C3: variants seen among roughly 807,000 people sequenced by gnomAD.
C3 encodes the protein C3 and PZP-like alpha-2-macroglobulin domain-containing protein 1.
In C3, 97 loss-of-function variants were observed where a neutral mutation model predicts 207.9. That is an observed-to-expected ratio of 0.47 (90% CI 0.40 to 0.55). The LOEUF (loss-of-function observed/expected upper bound fraction) is 0.55, where lower values mean the gene tolerates loss of function less well. Ranked by LOEUF, C3 falls within the 20% of genes least tolerant of loss-of-function variation. The pLI, the probability that C3 is intolerant of heterozygous loss-of-function variation, is 0.00. For missense variants in C3, 1,684 were observed against 2,171.7 expected (o/e 0.78, Z 4.46); for synonymous variants, 848 against 857.6 (o/e 0.99, Z 0.20).
chr19:6,709,244 C>CG (rs1189454251), intron 14 of C3, among the ~76,000 whole-genome samples: 1 of 152,030 alleles, frequency 6.6e-6, no homozygotes, highest in Admixed American at 6.6e-5. Context: ...GCCAAGAGAT[C>CG]GAGACCATCC....
At position 6,679,387 on chromosome 19, in the gene C3, C is replaced by T; in HGVS notation, c.4546+20G>A. On this transcript the variant is annotated intron_variant, in intron 37 of 40. Coordinates refer to ENST00000245907, the MANE Select transcript of C3 (RefSeq NM_000064.4). ...TGTGGCTTGCTCAGACCCACCTGTTCCCGGCTCCAGGGAACTCACCCTCAG... is the reference window on the plus strand; with the variant it reads ...TGTGGCTTGCTCAGACCCACCTGTTTCCGGCTCCAGGGAACTCACCCTCAG... 6.2e-7 allele frequency: 1 copy of T among 1,601,536 alleles called. No homozygotes were observed. Among genetic ancestry groups the T allele is most frequent in the Non-Finnish European group, 8.6e-7 (1 of 1,168,474 alleles).
chr19:6,686,661 C>T (rs1327223578), intron 28 of C3, 85 bp downstream of exon 28: 2 of 1,430,878 alleles, frequency 1.4e-6, no homozygotes, highest in Non-Finnish European at 2.0e-6. Context: ...CCCAGCTCAG[C>T]TAAAAGCCAT....
intron 16 of C3, 39 bp from the exon 17 acceptor site, chr19:6,707,312 C>CG: frequency 6.2e-7 from 1 of 1,602,038 alleles, no homozygotes; most frequent in Non-Finnish European, 8.5e-7. Flanking sequence ...CACCCTCAGC[C>CG]GGGGGCCGGC....
chr19:6,720,236 A>T (rs1399988584), intron 1 of C3, among the ~76,000 whole-genome samples: 1 of 151,876 alleles, frequency 6.6e-6, no homozygotes, highest in Non-Finnish European at 1.5e-5. Flanking sequence ...CAATTCCACG[A>T]TACCTGGATT....
Position 6,718,356 on chromosome 19 carries a change from C to T in C3, c.324G>A (p.Val108=). Residue 108 remains valine (V), a synonymous_variant, in exon 3 of 41, where the codon GTG becomes GTA. Coordinates refer to ENST00000245907, the MANE Select transcript of C3 (RefSeq NM_000064.4). ...SEKGRNKFVT[V]QATFGTQVVE... is the part of the protein sequence containing the mutation. Reference sequence around the variant, plus strand: ...CCACTTGGGTCCCGAAGGTGGCCTGCACGGTCACGAACTTGTTGCGCCCCT... The same window carrying T: ...CCACTTGGGTCCCGAAGGTGGCCTGTACGGTCACGAACTTGTTGCGCCCCT... 6.2e-7 allele frequency: 1 copy of T among 1,614,234 alleles called. No individual in the cohort carries two copies. Among genetic ancestry groups the T allele is most frequent in the Non-Finnish European group, 8.5e-7 (1 of 1,180,044 alleles).
intron 11 of C3, 67 bp from the exon 12 acceptor site, chr19:6,711,263 C>T: frequency 7.5e-7 from 1 of 1,337,220 alleles, no homozygotes; most frequent in Non-Finnish European, 1.1e-6. Context: ...ATCCCTGAGA[C>T]CTGGGAATTG....
At position 6,697,041 on chromosome 19, in the gene C3, C is replaced by CAAA. The variant is rs200094017; in HGVS notation, c.2796+300_2796+302dup. 4.3e-4 allele frequency among the ~76,000 whole-genome samples: 31 copies of CAAA among 71,278 alleles called. 1 individual carries two copies. Among genetic ancestry groups the CAAA allele is most frequent in the Admixed American group, 2.6e-3 (15 of 5,712 alleles). 46.8% of individuals were successfully genotyped at this position (71,278 alleles called of 152,430 possible). ...TGGGGAACAGAGTGAGACTCTGTCT[C>CAAA]AAAAAAATAAACAAACAAATAAATA... On this transcript the variant is annotated intron_variant, in intron 21 of 40. Transcript: ENST00000245907.
intron 6 of C3, 40 bp downstream of exon 6, chr19:6,714,126 G>T (rs776459204): frequency 1.2e-6 from 2 of 1,609,082 alleles, no homozygotes; most frequent in East Asian, 2.2e-5. Flanking sequence ...TGGGCCAGGC[G>T]TTCTGGGCAC....
At position 6,684,498 on chromosome 19, in the gene C3, C is replaced by T. The variant is rs1032493484; in HGVS notation, c.4121-59G>A. 1.3e-5 allele frequency: 20 copies of T among 1,576,960 alleles called. No individual in the cohort carries two copies. The Admixed American group carries it at 2.3e-4, about 18-fold the overall frequency. ...GTATACCTGTGTGTTGATTCAGGAG[C>T]GGGGAAGACATTAGAAGAGGGGTAG... On this transcript the variant is annotated intron_variant, in intron 32 of 40. Coordinates refer to ENST00000245907, the MANE Select transcript of C3 (RefSeq NM_000064.4).
chr19:6,678,052 G>A, intron 40 of C3, 29 bp from the exon 41 acceptor site: 4 of 1,614,174 alleles, frequency 2.5e-6, no homozygotes, highest in Admixed American at 3.3e-5. Context: ...GGTCAGGAAG[G>A]GGCGTGGTGT....
intron 14 of C3, among the ~76,000 whole-genome samples, chr19:6,708,599 ACTCC>A (rs533177377): frequency 4.0e-5 from 3 of 74,982 alleles, no homozygotes; most frequent in Admixed American, 1.6e-4. Context: ...TTCATTCTTC[ACTCC>A]CTCCCTCCCT....
At chr19:6,678,085 A>G in intron 40 of C3, 62 bp from the exon 41 acceptor site, 21 of 1,613,700 alleles carry the variant, frequency 1.3e-5, no homozygotes, top group Non-Finnish European at 1.8e-5. Flanking sequence ...GGGGCGTGAC[A>G]ATGGTGTGGG....
chr19:6,684,739 G>A (rs549046530), intron 31 of C3, 36 bp downstream of exon 31: 2 of 1,605,918 alleles, frequency 1.2e-6, no homozygotes, highest in Non-Finnish European at 1.7e-6. Context: ...GGGCAGAGGG[G>A]CATGGGCCAG....
At chr19:6,678,072 G>A (rs770052443) in intron 40 of C3, 49 bp from the exon 41 acceptor site, 22 of 1,613,918 alleles carry the variant, frequency 1.4e-5, no homozygotes, top group Middle Eastern at 1.6e-4. Flanking sequence ...TGGGCGTGGC[G>A]CAGGGGCGTG....
At position 6,710,823 on chromosome 19, in the gene C3, A is replaced by C; in HGVS notation, c.1502T>G (p.Leu501Trp). ...CTCTCGCACCTGGCGTCCCGCCTTC[A>C]ACAGCCTGCCCTTGTTCATGATCTG... ...TYLIMNKGRL[L>W]KAGRQVREPG... The change falls in exon 13 of 41, where the codon TTG becomes TGG. Residue 501 changes from leucine to tryptophan, a missense_variant. Leu to Trp is a moderately conservative substitution (Grantham distance 61). This residue lies in a region of C3 where 1,280 missense variants were observed against 1,739.1 expected (regional missense o/e 0.74). Transcript: ENST00000245907. 6.2e-7 allele frequency: 1 copy of C among 1,613,956 alleles called. No individual in the cohort carries two copies.
intron 4 of C3, chr19:6,717,308 T>G: frequency 6.5e-6 from 1 of 154,856 alleles, no homozygotes; most frequent in South Asian, 2.0e-4. Context: ...TAACTGAGGC[T>G]CAGGGAGGTG....
chr19:6,685,206 A>C (rs1368586808), intron 29 of C3, 60 bp from the exon 30 acceptor site: 6 of 1,506,506 alleles, frequency 4.0e-6, no homozygotes, highest in Non-Finnish European at 4.6e-6. Flanking sequence ...GCTAGAATCC[A>C]GTGGGGGATA....
intron 13 of C3, 104 bp downstream of exon 13, chr19:6,710,535 G>A: frequency 1.1e-6 from 1 of 880,166 alleles, no homozygotes; most frequent in East Asian, 2.7e-5. Flanking sequence ...AAAGGAGAGA[G>A]AAAAGGAGAA....
chr19:6,719,759 T>A lies in C3; in HGVS notation c.75-356A>T, dbSNP rs531220540. On this transcript the variant is annotated intron_variant, in intron 1 of 40. Coordinates refer to ENST00000245907, the MANE Select transcript of C3 (RefSeq NM_000064.4). This position sits in a 1 kb window ranked among gnomAD's most constrained non-coding sequence, Gnocchi z 5.4. The stretch of plus-strand genomic sequence containing the variant: ...ACCCACAATCGCCTAAACCCACACA[T>A]GCCCCAAACCCTAAACCTCTACCTC... Among the ~76,000 whole-genome samples the A allele has an allele frequency of 6.6e-6, 1 of 152,082 alleles. No homozygotes were observed. Among genetic ancestry groups the A allele is most frequent in the African/African-American group, 2.4e-5 (1 of 41,468 alleles).
Sources: allele counts gnomAD v4.1 joint callset (sites outside exome capture counted in the v4.1 genomes callset), GRCh38; gene constraint gnomAD v4.1.1; regional missense constraint gnomAD v4.1.1; non-coding constraint Gnocchi (gnomAD v3.1); transcripts MANE v1.5; gene names NCBI Gene and HGNC (gene_info 2026-07-23, HGNC 2026-07-21).